Variants in NPM1 observed in about 807,000 individuals in gnomAD.
NPM1 encodes the protein nucleophosmin 1.
NPM1 carries 1 observed loss-of-function variant against 44.1 expected under a neutral mutation model. That is an observed-to-expected ratio of 0.02 (90% CI 0.01 to 0.11). NPM1 has a LOEUF of 0.11. Ranked by LOEUF, NPM1 falls within the 10% of genes least tolerant of loss-of-function variation. The probability of loss-of-function intolerance (pLI) is 1.00; values close to 1 mark genes in which losing one functional copy is unlikely to be tolerated. For missense variants in NPM1, 197 were observed against 347.8 expected, an observed-to-expected ratio of 0.57 and a Z score of 3.45; for synonymous variants, 126 against 111.8, an observed-to-expected ratio of 1.13 and a Z score of -0.80.
At chr5:171,406,322 A>G in intron 9 of NPM1, 1 of 1,330,166 alleles carries the variant, frequency 7.5e-7, no homozygotes, top group Non-Finnish European at 1.1e-6. Flanking sequence ...CCTTGGATAC[A>G]ATGCTAAAAT....
intron 6 of NPM1, among the ~76,000 whole-genome samples, chr5:171,397,344 C>T (rs1301833201): frequency 6.6e-6 from 1 of 152,172 alleles, no homozygotes; most frequent in African/African-American, 2.4e-5. Flanking sequence ...GTAGACATGT[C>T]ATTTTACTTG....
intron 2 of NPM1, 141 bp downstream of exon 2, chr5:171,390,271 C>T (rs958537052): frequency 1.2e-5 from 6 of 518,620 alleles, no homozygotes; most frequent in Non-Finnish European, 2.0e-5. Flanking sequence ...GTGTGTACCT[C>T]ACTGTCTGTA....
chr5:171,397,761 G>T (rs1770986239), intron 6 of NPM1, among the ~76,000 whole-genome samples: 2 of 150,566 alleles, frequency 1.3e-5, no homozygotes, highest in South Asian at 4.2e-4. Flanking sequence ...CTCCCAAACT[G>T]CTGAGATTAC....
chr5:171,399,265 G>GT (rs1343640975), intron 6 of NPM1, among the ~76,000 whole-genome samples: 1 of 150,492 alleles, frequency 6.6e-6, no homozygotes, highest in East Asian at 2.0e-4. Context: ...TTTTGTTTTT[G>GT]TTTTTTGAGA....
chr5:171,392,279 G>T (rs1288439812), intron 4 of NPM1, among the ~76,000 whole-genome samples: 2 of 152,126 alleles, frequency 1.3e-5, no homozygotes, highest in African/African-American at 4.8e-5. Context: ...TCATTATAAC[G>T]GCTGGAGTGC....
chr5:171,388,208 A>T lies in NPM1; in HGVS notation c.58+202A>T, dbSNP rs949201044. 7.2e-4 allele frequency among the ~76,000 whole-genome samples: 109 copies of T among 151,548 alleles called. 1 individual carries two copies. Among genetic ancestry groups the T allele is most frequent in the African/African-American group, 2.5e-3 (105 of 41,306 alleles). On this transcript the variant is annotated intron_variant, in intron 1 of 10. Transcript: ENST00000296930. ...GGGGGAGCCGGTGGCGTGAAGGGGG[A>T]GGAGACGAGCGGCCTGAAGCGTCTG...
At chr5:171,389,103 C>T (rs917247179) in intron 1 of NPM1, among the ~76,000 whole-genome samples, 1 of 152,212 alleles carries the variant, frequency 6.6e-6, no homozygotes, top group East Asian at 1.9e-4. Context: ...CCCCCCTCGA[C>T]TTGCGGTAGT....
Position 171,397,057 on chromosome 5 carries a change from A to G in NPM1, c.525-3096A>G, listed in dbSNP as rs535370888. ...AATTTTAGAACATTTCATCACCTCA[A>G]TGAGAAATCGTACTCTATAGGTATT... On this transcript the variant is annotated intron_variant, in intron 6 of 10. Coordinates refer to ENST00000296930, the MANE Select transcript of NPM1 (RefSeq NM_002520.7). 9.2e-5 allele frequency among the ~76,000 whole-genome samples: 14 copies of G among 152,284 alleles called. No individual in the cohort carries two copies. In the East Asian group the frequency reaches 1.7e-3, roughly 19 times the overall value.
At position 171,388,023 on chromosome 5, in the gene NPM1, G is replaced by C; in HGVS notation, c.58+17G>C. 6.2e-7 allele frequency: 1 copy of C among 1,610,600 alleles called. No individual in the cohort carries two copies. Among genetic ancestry groups the C allele is most frequent in the Non-Finnish European group, 8.5e-7 (1 of 1,177,952 alleles). On this transcript the variant is annotated intron_variant, in intron 1 of 10. Coordinates refer to ENST00000296930, the MANE Select transcript of NPM1 (RefSeq NM_002520.7). Reference sequence around the variant, plus strand: ...ATCTTTTCGGTAACTGCTGGGGGGAGCTGGAGCGAGGCCGAGCGGGGCCTG... The same window carrying C: ...ATCTTTTCGGTAACTGCTGGGGGGACCTGGAGCGAGGCCGAGCGGGGCCTG...
At chr5:171,398,029 G>A (rs910028410) in intron 6 of NPM1, among the ~76,000 whole-genome samples, 1 of 151,584 alleles carries the variant, frequency 6.6e-6, no homozygotes, top group Middle Eastern at 3.2e-3. Context: ...CTGAGGTCAG[G>A]CCCGCCTCGG....
rs58480550 is a variant in NPM1, at chr5:171,389,399, T to G, written c.59-652T>G. On this transcript the variant is annotated intron_variant, in intron 1 of 10. Transcript: ENST00000296930. ...CATTCATGGAGTGAGAGTAGACATATGTATTCAAAACATTAAGGCTTTAAT... is the reference window on the plus strand; with the variant it reads ...CATTCATGGAGTGAGAGTAGACATAGGTATTCAAAACATTAAGGCTTTAAT... Among the ~76,000 whole-genome samples, 681 of 152,346 alleles carry G rather than the reference T, an allele frequency of 4.5e-3. 41 individuals carry two copies. The East Asian group carries it at 0.093, about 21-fold the overall frequency.
At chr5:171,394,041 CTTTTTTTT>C (rs144186175) in intron 6 of NPM1, among the ~76,000 whole-genome samples, 5 of 97,080 alleles carry the variant, frequency 5.2e-5, no homozygotes, top group East Asian at 3.5e-4. Context: ...TTTTTGTTTT[CTTTTTTTT>C]TTTTTTTTTT....
At chr5:171,396,368 A>G (rs921217693) in intron 6 of NPM1, among the ~76,000 whole-genome samples, 1 of 152,206 alleles carries the variant, frequency 6.6e-6, no homozygotes, top group Non-Finnish European at 1.5e-5. Context: ...AATGTTTAAA[A>G]AAAGCATTCT....
In NPM1 at chr5:171,400,938, AT is replaced by A; in HGVS notation, c.669+16del. 6.5e-7 allele frequency: 1 copy of A among 1,543,316 alleles called. No homozygotes were observed. Among genetic ancestry groups the A allele is most frequent in the Non-Finnish European group, 9.0e-7 (1 of 1,115,814 alleles). The stretch of plus-strand genomic sequence containing the variant: ...ACCAAGATCAAAAGTAAGTGGCTAC[AT>A]TTACACGTGGGTCTCATTGATCTAG... On this transcript the variant is annotated intron_variant, in intron 8 of 10. Transcript: ENST00000296930.
chr5:171,394,290 G>A (rs758035808), intron 6 of NPM1, among the ~76,000 whole-genome samples: 2 of 151,802 alleles, frequency 1.3e-5, no homozygotes, highest in Non-Finnish European at 2.9e-5. Context: ...TACCTGCCTC[G>A]GTCTCCCAAA....
At chr5:171,406,293 G>T in intron 9 of NPM1, 2 of 997,386 alleles carry the variant, frequency 2.0e-6, no homozygotes, top group Non-Finnish European at 3.2e-6. Context: ...AGCCTTCCTG[G>T]TTATCACTGA....
chr5:171,409,811 G>GTT (rs75967754), intron 10 of NPM1, among the ~76,000 whole-genome samples: 36 of 135,142 alleles, frequency 2.7e-4, no homozygotes, highest in East Asian at 6.3e-4. Flanking sequence ...CTGGCCAGCT[G>GTT]TTTTTTTTGT....
chr5:171,400,559 C>T (rs1350088892), intron 7 of NPM1, among the ~76,000 whole-genome samples: 8 of 151,078 alleles, frequency 5.3e-5, no homozygotes, highest in South Asian at 2.1e-4. Context: ...CGGGTTGAAG[C>T]GATTCTCCTG....
chr5:171,388,460 T>A (rs1770387597), intron 1 of NPM1, among the ~76,000 whole-genome samples: 1 of 152,114 alleles, frequency 6.6e-6, no homozygotes, highest in Non-Finnish European at 1.5e-5. Flanking sequence ...AGCCTGGCGT[T>A]ATTCTGGCCT....
Sources: allele counts gnomAD v4.1 joint callset (sites outside exome capture counted in the v4.1 genomes callset), GRCh38; gene constraint gnomAD v4.1.1; transcripts MANE v1.5; gene names NCBI Gene and HGNC (gene_info 2026-07-23, HGNC 2026-07-21).